Variants in KCNN2 observed in about 807,000 individuals in gnomAD.
KCNN2 encodes the protein potassium calcium-activated channel subfamily N member 2.
A neutral mutation model predicts 55.5 loss-of-function variants in KCNN2; 24 were observed. The ratio of observed to expected loss-of-function variants is 0.43; its 90% CI spans 0.31 to 0.61. KCNN2 has a LOEUF of 0.61. KCNN2 is among the 20% of genes least tolerant of loss of function. The pLI is 0.08. For synonymous variants in KCNN2, 431 were observed against 336.1 expected, an observed-to-expected ratio of 1.28 and a Z score of -3.09; for missense variants, 754 against 853.6, an observed-to-expected ratio of 0.88 and a Z score of 1.45.
chr5:114,368,253 G>A (rs1424414538), intron 2 of KCNN2, among the ~76,000 whole-genome samples: 1 of 152,166 alleles, frequency 6.6e-6, no homozygotes, highest in Non-Finnish European at 1.5e-5. Flanking sequence ...TGGTTACCAA[G>A]GGACAACTGT....
At position 114,362,853 on chromosome 5, in the gene KCNN2, G is replaced by T; in HGVS notation, c.714G>T (p.Glu238Asp). Residue 238 changes from glutamate (E) to aspartate (D), a missense_variant, in exon 1 of 8, where the codon GAG (glutamate) becomes GAT (aspartate). Physicochemically the swap from Glu to Asp is conservative, Grantham distance 45. Coordinates refer to ENST00000673685, the MANE Select transcript of KCNN2 (RefSeq NM_021614.4). ...GCGCGTCCCGCCGGAACCTGCACGAGATGGACTCAGAGGCGCAGCCCCTGC... is the reference window on the plus strand; with the variant it reads ...GCGCGTCCCGCCGGAACCTGCACGATATGGACTCAGAGGCGCAGCCCCTGC... ...NLSASRRNLH[E>D]MDSEAQPLQP... The T allele has an allele frequency of 6.3e-7, 1 of 1,599,980 alleles. No homozygotes were observed.
intron 3 of KCNN2, among the ~76,000 whole-genome samples, chr5:114,428,413 A>C (rs1282281292): frequency 6.6e-6 from 1 of 152,156 alleles, no homozygotes; most frequent in Non-Finnish European, 1.5e-5. Context: ...GATATCTCCT[A>C]AAGTATAATC....
intron 5 of KCNN2, among the ~76,000 whole-genome samples, chr5:114,481,883 C>T (rs62379179): frequency 6.6e-6 from 1 of 151,982 alleles, no homozygotes; most frequent in Non-Finnish European, 1.5e-5. Context: ...CAAAATTAAC[C>T]AAGGTGTATT....
chr5:114,433,047 C>A (rs1393499875), intron 3 of KCNN2, among the ~76,000 whole-genome samples: 1 of 152,198 alleles, frequency 6.6e-6, no homozygotes, highest in Non-Finnish European at 1.5e-5. Flanking sequence ...CATCGACCAC[C>A]CAAGGGCTGA....
chr5:114,373,625 G>A (rs1757830241), intron 2 of KCNN2, among the ~76,000 whole-genome samples: 1 of 66,778 alleles, frequency 1.5e-5, no homozygotes, highest in Non-Finnish European at 3.2e-5. Context: ...CTCTCATGGT[G>A]TTGTTATGAA....
chr5:114,251,880 CTT>C (rs200692821), intron 2 of KCNN2, among the ~76,000 whole-genome samples: 15 of 133,246 alleles, frequency 1.1e-4, no homozygotes, highest in Non-Finnish European at 1.6e-4. Flanking sequence ...TTTTCTTTTT[CTT>C]TTTTTTTTTT....
intron 2 of KCNN2, among the ~76,000 whole-genome samples, chr5:114,284,860 G>A (rs931495765): frequency 2.0e-5 from 3 of 151,978 alleles, no homozygotes; most frequent in Non-Finnish European, 2.9e-5. Flanking sequence ...ACCACTGTAC[G>A]GGTGAAATCT....
At chr5:114,153,438 T>C (rs981215062) in intron 1 of KCNN2, among the ~76,000 whole-genome samples, 1 of 152,156 alleles carries the variant, frequency 6.6e-6, no homozygotes, top group Admixed American at 6.6e-5. Context: ...ACCCTACTTA[T>C]AAGCATATGA....
At chr5:114,400,226 TCTAA>T (rs1758744725) in intron 2 of KCNN2, among the ~76,000 whole-genome samples, 1 of 152,282 alleles carries the variant, frequency 6.6e-6, no homozygotes, top group Admixed American at 6.5e-5. Context: ...TTGAGATCTT[TCTAA>T]CTTTTTCACA....
intron 2 of KCNN2, among the ~76,000 whole-genome samples, chr5:114,352,500 T>G (rs1411361251): frequency 5.9e-5 from 9 of 151,920 alleles, no homozygotes; most frequent in Admixed American, 5.9e-4. Flanking sequence ...ACTTTTTTCT[T>G]AAAGTAATAT....
intron 5 of KCNN2, among the ~76,000 whole-genome samples, chr5:114,485,068 G>A (rs552103186): frequency 1.9e-4 from 29 of 152,240 alleles, no homozygotes; most frequent in South Asian, 1.2e-3. Context: ...TTTTAAAAGC[G>A]TATTGACTTT....
chr5:114,241,771 TATAC>T lies in KCNN2; in HGVS notation c.-185+20210_-185+20213del, dbSNP rs372157628. ...ATATATGTATATATATACGTATATATATACATATATACGTATATATATGTATATA... is the reference window on the plus strand; with the variant it reads ...ATATATGTATATATATACGTATATATATATATACGTATATATATGTATATA... On this transcript the variant is annotated intron_variant, in intron 2 of 10. Transcript: ENST00000512097. Among the ~76,000 whole-genome samples the T allele has an allele frequency of 2.2e-4, 3 of 13,668 alleles. 1 individual carries two copies. Among genetic ancestry groups the T allele is most frequent in the South Asian group, 9.3e-3 (2 of 214 alleles). 9.0% of individuals were successfully genotyped at this position (13,668 alleles called of 152,430 possible). A position where few individuals can be genotyped will look rare whatever the true frequency, so the allele number is the denominator to read the frequency against.
At chr5:114,148,479 G>C (rs1290445074) in intron 1 of KCNN2, among the ~76,000 whole-genome samples, 1 of 152,114 alleles carries the variant, frequency 6.6e-6, no homozygotes. Context: ...CCAAACAGGT[G>C]ACTCATACAT....
intron 1 of KCNN2, among the ~76,000 whole-genome samples, chr5:114,062,722 C>A (rs1392240270): frequency 6.6e-6 from 1 of 152,164 alleles, no homozygotes; most frequent in Non-Finnish European, 1.5e-5. Flanking sequence ...CGTTATTATA[C>A]TTAAAAAGTG....
At chr5:114,404,952 A>G in intron 3 of KCNN2, 96 bp downstream of exon 3, 1 of 1,106,816 alleles carries the variant, frequency 9.0e-7, no homozygotes, top group Non-Finnish European at 1.3e-6. Context: ...GTAGTGTCTC[A>G]CTCTTAAAAA....
At chr5:114,273,433 A>G (rs1755413902) in intron 2 of KCNN2, among the ~76,000 whole-genome samples, 1 of 152,118 alleles carries the variant, frequency 6.6e-6, no homozygotes, top group Non-Finnish European at 1.5e-5. Context: ...TCCTTGAGGA[A>G]TTGCTGCACT....
intron 1 of KCNN2, among the ~76,000 whole-genome samples, chr5:114,131,306 G>A (rs1007015915): frequency 2.6e-5 from 4 of 152,100 alleles, no homozygotes; most frequent in Admixed American, 2.0e-4. Context: ...GTCTCAGTGT[G>A]TGTTGTCCTC....
At chr5:114,418,456 T>G (rs1036418720) in intron 3 of KCNN2, among the ~76,000 whole-genome samples, 3 of 152,160 alleles carry the variant, frequency 2.0e-5, no homozygotes, top group Non-Finnish European at 4.4e-5. Flanking sequence ...TTTACTCTGC[T>G]GGAGCACACA....
intron 1 of KCNN2, among the ~76,000 whole-genome samples, chr5:114,201,858 C>T (rs1368863025): frequency 6.6e-6 from 1 of 151,864 alleles, no homozygotes; most frequent in Non-Finnish European, 1.5e-5. Context: ...TGTGTGACAG[C>T]TGCAGCCTTG....
Sources: allele counts gnomAD v4.1 joint callset (sites outside exome capture counted in the v4.1 genomes callset), GRCh38; gene constraint gnomAD v4.1.1; transcripts MANE v1.5; gene names NCBI Gene and HGNC (gene_info 2026-07-23, HGNC 2026-07-21).